The following HHAT variants were observed in gnomAD, a reference collection of about 807,000 sequenced individuals.
HHAT encodes hedgehog acyltransferase.
In HHAT, 47 loss-of-function variants were observed where a neutral mutation model predicts 70.8. The ratio of observed to expected loss-of-function variants is 0.66; its 90% CI spans 0.53 to 0.85. The LOEUF is 0.85. Among genes scored for constraint, HHAT ranks in the 40% least tolerant of loss-of-function variants. The pLI, the probability that HHAT is intolerant of heterozygous loss-of-function variation, is 0.00. For missense variants in HHAT, 609 were observed against 604.8 expected (o/e 1.01, Z -0.07); for synonymous variants, 228 against 247.6 (o/e 0.92, Z 0.74).
chr1:210,512,752 G>A (rs552299848), intron 8 of HHAT, among the ~76,000 whole-genome samples: 75 of 150,944 alleles, frequency 5.0e-4, no homozygotes, highest in Non-Finnish European at 8.4e-4. Context: ...TCTGAGACAC[G>A]AATATTACAA....
intron 11 of HHAT, among the ~76,000 whole-genome samples, chr1:210,631,843 A>T (rs185280010): frequency 4.6e-5 from 7 of 152,328 alleles, no homozygotes; most frequent in South Asian, 4.1e-4. Context: ...CTTGAGTGTA[A>T]TTAAGGCACT....
chr1:210,636,508 G>GA (rs936597807), intron 11 of HHAT, among the ~76,000 whole-genome samples: 3 of 152,048 alleles, frequency 2.0e-5, no homozygotes, highest in African/African-American at 4.8e-5. Context: ...ATGTCTTCAG[G>GA]AAAAAAACAA....
chr1:210,576,302 C>T (rs1191320098), intron 9 of HHAT, among the ~76,000 whole-genome samples: 2 of 151,958 alleles, frequency 1.3e-5, no homozygotes, highest in East Asian at 3.9e-4. Context: ...GTAACTGATA[C>T]ACAAAAACTG....
At chr1:210,545,877 C>A (rs929081420) in intron 9 of HHAT, among the ~76,000 whole-genome samples, 5 of 152,170 alleles carry the variant, frequency 3.3e-5, no homozygotes, top group Admixed American at 2.0e-4. Context: ...GCTTTTCTTC[C>A]CTGTTGGACT....
intron 9 of HHAT, among the ~76,000 whole-genome samples, chr1:210,570,560 C>G (rs1208262906): frequency 6.6e-6 from 1 of 152,134 alleles, no homozygotes; most frequent in African/African-American, 2.4e-5. Context: ...CTGAGGAAGA[C>G]AGCGAGCCAC....
At chr1:210,528,623 G>T (rs976455084) in intron 9 of HHAT, among the ~76,000 whole-genome samples, 1 of 152,198 alleles carries the variant, frequency 6.6e-6, no homozygotes, top group African/African-American at 2.4e-5. Context: ...GCATAGTATA[G>T]CCTATTAATT....
At chr1:210,474,007 C>T (rs2094256376) in intron 8 of HHAT, among the ~76,000 whole-genome samples, 1 of 152,162 alleles carries the variant, frequency 6.6e-6, no homozygotes, top group African/African-American at 2.4e-5. Context: ...GCAATTAAGT[C>T]TCATTCTTTT....
intron 8 of HHAT, among the ~76,000 whole-genome samples, chr1:210,490,007 A>G (rs961904744): frequency 3.3e-5 from 5 of 152,248 alleles, no homozygotes; most frequent in Admixed American, 6.5e-5. Context: ...CTGCTGAGAT[A>G]TAGAAGGAAG....
chr1:210,455,849 A>T (rs1385528904), intron 7 of HHAT, among the ~76,000 whole-genome samples: 1 of 152,142 alleles, frequency 6.6e-6, no homozygotes, highest in Non-Finnish European at 1.5e-5. Context: ...TATTTTTATT[A>T]TTCTGTATCT....
intron 6 of HHAT, among the ~76,000 whole-genome samples, chr1:210,417,524 C>G (rs2092759438): frequency 6.6e-6 from 1 of 152,210 alleles, no homozygotes; most frequent in Non-Finnish European, 1.5e-5. Context: ...TGTGAGCCAC[C>G]ATGCCCCACC....
chr1:210,530,955 A>C (rs1268542928), intron 9 of HHAT, among the ~76,000 whole-genome samples: 1 of 152,206 alleles, frequency 6.6e-6, no homozygotes, highest in African/African-American at 2.4e-5. Flanking sequence ...TAGTCATATC[A>C]ATTAACAACA....
intron 11 of HHAT, among the ~76,000 whole-genome samples, chr1:210,630,672 G>C (rs143236783): frequency 6.6e-6 from 1 of 152,162 alleles, no homozygotes; most frequent in Non-Finnish European, 1.5e-5. Flanking sequence ...TTCAGGTGGG[G>C]CACACCCCGT....
chr1:210,437,360 T>G (rs1488375790), intron 7 of HHAT, among the ~76,000 whole-genome samples: 1 of 151,876 alleles, frequency 6.6e-6, no homozygotes, highest in Non-Finnish European at 1.5e-5. Flanking sequence ...CCATGGATGG[T>G]GAAACTGGCA....
At chr1:210,627,833 T>C (rs1670117368) in intron 11 of HHAT, among the ~76,000 whole-genome samples, 1 of 152,196 alleles carries the variant, frequency 6.6e-6, no homozygotes, top group Non-Finnish European at 1.5e-5. Context: ...TTAAAAGACT[T>C]AGCTGGTCCA....
rs1680867675 is a variant in HHAT, at chr1:210,674,815, G to C, written c.*436G>C. On this transcript the variant is annotated 3_prime_UTR_variant, in exon 12 of 12. Coordinates refer to ENST00000261458, the MANE Select transcript of HHAT (RefSeq NM_018194.6). Reference sequence around the variant, plus strand: ...TCTAAAATATTTGAGTGACATTGATGTTTAAGTGACCTCCTTCATCACATC... The same window carrying C: ...TCTAAAATATTTGAGTGACATTGATCTTTAAGTGACCTCCTTCATCACATC... 1 of 156,018 alleles carries C rather than the reference G, an allele frequency of 6.4e-6. No homozygotes were observed. Among genetic ancestry groups the C allele is most frequent in the Non-Finnish European group, 1.4e-5 (1 of 70,574 alleles). 9.7% of individuals were successfully genotyped at this position (156,018 alleles called of 1,614,324 possible). A position where few individuals can be genotyped will look rare whatever the true frequency, so the allele number is the denominator to read the frequency against.
chr1:210,546,931 CAG>C (rs977740387), intron 9 of HHAT, among the ~76,000 whole-genome samples: 8 of 151,846 alleles, frequency 5.3e-5, no homozygotes, highest in African/African-American at 1.9e-4. Context: ...GGTGAAGTGA[CAG>C]ATTGTGATGA....
Position 210,544,463 on chromosome 1 carries a change from C to T in HHAT, c.1043+31275C>T, listed in dbSNP as rs527803815. Among the ~76,000 whole-genome samples, 6 of 149,338 alleles carry T rather than the reference C, an allele frequency of 4.0e-5. No homozygotes were observed. In the South Asian group the frequency reaches 1.3e-3, roughly 32 times the overall value. On this transcript the variant is annotated intron_variant, in intron 9 of 11. Coordinates refer to ENST00000261458, the MANE Select transcript of HHAT (RefSeq NM_018194.6). ...ACTCAGCTCACTGCAACCTCTGCCT[C>T]CCGGGTTCAAGGAATTCTCCTGCTT...
At chr1:210,525,765 C>A (rs193241487) in intron 9 of HHAT, among the ~76,000 whole-genome samples, 158 of 152,066 alleles carry the variant, frequency 1.0e-3, no homozygotes, top group African/African-American at 3.6e-3. Context: ...TAAAAAGAGC[C>A]CCTGGTGACT....
At chr1:210,495,286 A>G (rs1432450162) in intron 8 of HHAT, among the ~76,000 whole-genome samples, 1 of 151,128 alleles carries the variant, frequency 6.6e-6, no homozygotes, top group Non-Finnish European at 1.5e-5. Flanking sequence ...TATATAAATT[A>G]TAATATATTA....
Sources: allele counts gnomAD v4.1 joint callset (sites outside exome capture counted in the v4.1 genomes callset), GRCh38; gene constraint gnomAD v4.1.1; transcripts MANE v1.5; gene names NCBI Gene and HGNC (gene_info 2026-07-23, HGNC 2026-07-21).